The following EMP2 variants were observed in gnomAD, a reference collection of about 807,000 sequenced individuals.
The protein encoded by EMP2 is epithelial membrane protein 2.
Under a neutral mutation model 13.7 loss-of-function variants are expected in EMP2, and 19 were observed. The observed-to-expected ratio is 1.38, with a 90% CI of 0.97 to 2.03. The LOEUF (loss-of-function observed/expected upper bound fraction) is 2.03, where lower values mean the gene tolerates loss of function less well. Among genes scored for constraint, EMP2 ranks in the 30% most tolerant of loss-of-function variants. The pLI, the probability that EMP2 is intolerant of heterozygous loss-of-function variation, is 0.00. For missense variants in EMP2, 253 were observed against 220.7 expected, an observed-to-expected ratio of 1.15 and a Z score of -0.93; for synonymous variants, 97 against 84.7, an observed-to-expected ratio of 1.15 and a Z score of -0.80.
At chr16:10,542,938 T>C (rs890519693) in intron 3 of EMP2, among the ~76,000 whole-genome samples, 1 of 152,224 alleles carries the variant, frequency 6.6e-6, no homozygotes, top group Non-Finnish European at 1.5e-5. Flanking sequence ...CTCCGCCTCC[T>C]GGATTCAAGC....
chr16:10,544,882 C>T (rs2050728301), intron 2 of EMP2: 1 of 152,168 alleles, frequency 6.6e-6, no homozygotes, highest in Non-Finnish European at 1.5e-5. Context: ...GAGACCCTGT[C>T]ACAAACAAAC....
intron 1 of EMP2, among the ~76,000 whole-genome samples, chr16:10,570,272 C>G (rs1008531100): frequency 2.7e-5 from 4 of 149,328 alleles, no homozygotes; most frequent in African/African-American, 9.9e-5. Flanking sequence ...GTCACCCAGG[C>G]TGGAGTGCAG....
At chr16:10,550,186 G>A (rs986956084) in intron 1 of EMP2, among the ~76,000 whole-genome samples, 15 of 152,002 alleles carry the variant, frequency 9.9e-5, no homozygotes, top group African/African-American at 3.6e-4. Context: ...GCACCTGGTT[G>A]CACATTTTCT....
chr16:10,553,655 C>A (rs1415770730), intron 1 of EMP2, among the ~76,000 whole-genome samples: 2 of 152,232 alleles, frequency 1.3e-5, no homozygotes, highest in Non-Finnish European at 2.9e-5. Context: ...CTAATAATAT[C>A]CCTCAGAGAA....
At chr16:10,552,989 C>T (rs1010066115) in intron 1 of EMP2, among the ~76,000 whole-genome samples, 1 of 152,174 alleles carries the variant, frequency 6.6e-6, no homozygotes, top group African/African-American at 2.4e-5. Flanking sequence ...CGAAAAACAA[C>T]AGAGAAGTAA....
At chr16:10,536,603 G>C (rs1335387436) in intron 4 of EMP2, among the ~76,000 whole-genome samples, 2 of 152,162 alleles carry the variant, frequency 1.3e-5, no homozygotes, top group African/African-American at 4.8e-5. Context: ...AGTCCATTAA[G>C]CCTCTTTCCT....
chr16:10,540,553 G>C (rs532565266), intron 3 of EMP2, among the ~76,000 whole-genome samples: 1 of 125,730 alleles, frequency 8.0e-6, no homozygotes, highest in Non-Finnish European at 1.6e-5. Flanking sequence ...TTTCTCTAAG[G>C]ACCTCAAGGA....
intron 1 of EMP2, among the ~76,000 whole-genome samples, chr16:10,555,468 T>C (rs2050820483): frequency 6.6e-6 from 1 of 152,202 alleles, no homozygotes. Flanking sequence ...ACTTCTCTTT[T>C]AAAAATGTTT....
chr16:10,539,050 A>G (rs969466791), intron 3 of EMP2, among the ~76,000 whole-genome samples: 9 of 151,920 alleles, frequency 5.9e-5, no homozygotes, highest in Admixed American at 5.2e-4. Flanking sequence ...GGGGATACTA[A>G]TAGCTCCTTC....
intron 1 of EMP2, chr16:10,558,858 C>G (rs139902251): frequency 5.3e-5 from 8 of 152,324 alleles, no homozygotes; most frequent in Admixed American, 4.6e-4. Flanking sequence ...CCGCTCCGTC[C>G]GCCCAACTCC....
At chr16:10,554,200 T>C (rs2050810470) in intron 1 of EMP2, among the ~76,000 whole-genome samples, 1 of 152,000 alleles carries the variant, frequency 6.6e-6, no homozygotes, top group Admixed American at 6.6e-5. Flanking sequence ...CCCAGCTAAT[T>C]TTTGTATTTT....
At chr16:10,540,145 A>C (rs1300243498) in intron 3 of EMP2, among the ~76,000 whole-genome samples, 1 of 152,182 alleles carries the variant, frequency 6.6e-6, no homozygotes, top group African/African-American at 2.4e-5. Flanking sequence ...GTGTATGTGG[A>C]ACCCAGTGAG....
At position 10,571,391 on chromosome 16, in the gene EMP2, TG is replaced by T. The variant is rs2050946476; in HGVS notation, c.-61+9157del. ...CAGTACGTCTCACCACCAACCACACTGGGGGCACCTTAAACCCCTGTGCCCT... is the reference window on the plus strand; with the variant it reads ...CAGTACGTCTCACCACCAACCACACTGGGGCACCTTAAACCCCTGTGCCCT... On this transcript the variant is annotated intron_variant, in intron 1 of 4. Coordinates refer to ENST00000359543, the MANE Select transcript of EMP2 (RefSeq NM_001424.6). 2.0e-5 allele frequency among the ~76,000 whole-genome samples: 3 copies of T among 150,790 alleles called. No individual in the cohort carries two copies. The South Asian group carries it at 6.3e-4, about 32-fold the overall frequency.
At chr16:10,548,178 G>C (rs1382913529) in intron 1 of EMP2, among the ~76,000 whole-genome samples, 2 of 152,198 alleles carry the variant, frequency 1.3e-5, no homozygotes, top group East Asian at 3.8e-4. Flanking sequence ...AATATTCCTT[G>C]TGGAGGAGGA....
At chr16:10,547,253 T>G in intron 2 of EMP2, 2 of 320,134 alleles carry the variant, frequency 6.2e-6, no homozygotes, top group East Asian at 6.3e-5. Flanking sequence ...ATACTGTTCT[T>G]GTGGTAGTGA....
Position 10,532,850 on chromosome 16 carries a change from T to C in EMP2, c.*55A>G. ...CAAAAAATAATGATTATATACAAAATGGTTATCTGAATGTGGATTCTGTAC... is the reference window on the plus strand; with the variant it reads ...CAAAAAATAATGATTATATACAAAACGGTTATCTGAATGTGGATTCTGTAC... On this transcript the variant is annotated 3_prime_UTR_variant, in exon 5 of 5. Coordinates refer to ENST00000359543, the MANE Select transcript of EMP2 (RefSeq NM_001424.6). The C allele has an allele frequency of 1.8e-6, 2 of 1,137,788 alleles. No homozygotes were observed. The highest frequency in any genetic ancestry group is 2.2e-6 in the Non-Finnish European group (2 of 907,408). The allele number at this position is 1,137,788 out of a possible 1,614,324, so 70.5% of individuals were successfully genotyped here.
chr16:10,558,009 T>G (rs76524060), intron 1 of EMP2, among the ~76,000 whole-genome samples: 1 of 151,144 alleles, frequency 6.6e-6, no homozygotes, highest in African/African-American at 2.4e-5. Flanking sequence ...AAGTGGAACA[T>G]TTGTGGCTCA....
chr16:10,580,384 AGGTCGGCGGCATG>A lies in EMP2; in HGVS notation c.-61+152_-61+164del, dbSNP rs2051019181. ...CCGGAGCGAGCGTGGCGCAGACCAG[AGGTCGGCGGCATG>A]GGTGGCACCTCGGCCCTCCCGTTAC... is the stretch of plus-strand genomic sequence containing the variant. On this transcript the variant is annotated intron_variant, in intron 1 of 4. Transcript: ENST00000359543. The surrounding 1 kb of genome is among the most constrained non-coding windows in gnomAD (Gnocchi z 4.3). 6.6e-6 allele frequency among the ~76,000 whole-genome samples: 1 copy of A among 152,178 alleles called. No homozygotes were observed. Among genetic ancestry groups the A allele is most frequent in the Admixed American group, 6.5e-5 (1 of 15,282 alleles).
intron 3 of EMP2, among the ~76,000 whole-genome samples, chr16:10,540,107 T>G (rs1411098461): frequency 1.3e-5 from 2 of 152,216 alleles, no homozygotes; most frequent in Non-Finnish European, 2.9e-5. Flanking sequence ...GGGTGCAGGA[T>G]GTGCCTGCCA....
Sources: gnomAD v4.1 joint callset for allele counts (sites outside exome capture counted in the v4.1 genomes callset) on GRCh38, gnomAD v4.1.1 for gene constraint, Gnocchi (gnomAD v3.1) non-coding constraint, MANE v1.5 for transcripts, NCBI Gene and HGNC (gene_info 2026-07-23, HGNC 2026-07-21) for gene names.